Variants in EVC2 observed in about 807,000 individuals in gnomAD.
The protein encoded by EVC2 is EvC ciliary complex subunit 2.
Under a neutral mutation model 149.3 loss-of-function variants are expected in EVC2, and 148 were observed. That is an observed-to-expected ratio of 0.99 (90% CI 0.87 to 1.14). The LOEUF (loss-of-function observed/expected upper bound fraction) is 1.14, where lower values mean the gene tolerates loss of function less well. Ranked by LOEUF, EVC2 falls within the 50% of genes most tolerant of loss-of-function variation. EVC2 has a pLI of 0.00. For missense variants in EVC2, 1,854 were observed against 1,627.3 expected (o/e 1.14, Z -2.40); for synonymous variants, 776 against 649.9 (o/e 1.19, Z -2.95).
chr4:5,677,859 A>G lies in EVC2; in HGVS notation c.870+3401T>C, dbSNP rs1176009966. ...AGAAGACTGGTTACCAGTGCACCCG[A>G]CAGCCTCACTAAACTGAACACTCAC... On this transcript the variant is annotated intron_variant, in intron 7 of 21. Transcript: ENST00000344408. This position sits in a 1 kb window ranked among gnomAD's most constrained non-coding sequence, Gnocchi z 4.3. Among the ~76,000 whole-genome samples the G allele has an allele frequency of 6.6e-6, 1 of 152,184 alleles. No homozygotes were observed. The highest frequency in any genetic ancestry group is 2.4e-5 in the African/African-American group (1 of 41,454).
At chr4:5,597,291 TG>T (rs1713527173) in intron 16 of EVC2, among the ~76,000 whole-genome samples, 2 of 152,310 alleles carry the variant, frequency 1.3e-5, no homozygotes, top group South Asian at 4.1e-4. Context: ...CCAATATCCT[TG>T]ATGAACATTG....
chr4:5,619,349 C>G (rs73198137), intron 14 of EVC2, among the ~76,000 whole-genome samples: 3,591 of 152,242 alleles, frequency 0.024, 108 homozygotes, highest in African/African-American at 0.07. Context: ...GCCCTTAATG[C>G]AATATAACTG....
intron 16 of EVC2, among the ~76,000 whole-genome samples, chr4:5,608,424 A>C (rs1023927045): frequency 6.6e-6 from 1 of 152,178 alleles, no homozygotes; most frequent in Non-Finnish European, 1.5e-5. Flanking sequence ...TGTGATGGTT[A>C]ATTTTATGTG....
Position 5,622,441 on chromosome 4 carries a change from T to C in EVC2, c.2501+96A>G. 2.2e-6 allele frequency: 3 copies of C among 1,360,144 alleles called. No individual in the cohort carries two copies. The highest frequency in any genetic ancestry group is 3.1e-6 in the Non-Finnish European group (3 of 970,744). The allele number at this position is 1,360,144 out of a possible 1,614,324, so 84.3% of individuals were successfully genotyped here. A position where few individuals can be genotyped will look rare whatever the true frequency, so the allele number is the denominator to read the frequency against. On this transcript the variant is annotated intron_variant, in intron 14 of 21. Transcript: ENST00000344408. The surrounding 1 kb of genome is among the most constrained non-coding windows in gnomAD (Gnocchi z 5.8). ...GTAATCTCATCTGTCTGGGGCCAGG[T>C]GTCTCATGCTTGGCCATCCCCACAA... is the stretch of plus-strand genomic sequence containing the variant.
intron 1 of EVC2, among the ~76,000 whole-genome samples, chr4:5,703,755 T>C (rs1480631427): frequency 6.6e-6 from 1 of 152,166 alleles, no homozygotes. Flanking sequence ...TAGTATACTA[T>C]ATATATTATA....
chr4:5,644,003 T>G (rs1717530963), intron 9 of EVC2, among the ~76,000 whole-genome samples: 1 of 152,250 alleles, frequency 6.6e-6, no homozygotes, highest in African/African-American at 2.4e-5. Context: ...GAACATTTAA[T>G]TCAAGAACCA....
intron 13 of EVC2, 131 bp from the exon 14 acceptor site, chr4:5,623,122 A>G (rs1171081365): frequency 1.1e-6 from 1 of 925,030 alleles, no homozygotes; most frequent in African/African-American, 1.7e-5. Flanking sequence ...TTTGGAAGTT[A>G]TTCTGGTTTT....
Position 5,562,501 on chromosome 4 carries a change from C to A in EVC2, c.*347G>T. 1 of 1,119,036 alleles carries A rather than the reference C, an allele frequency of 8.9e-7. No homozygotes were observed. Among genetic ancestry groups the A allele is most frequent in the Non-Finnish European group, 1.1e-6 (1 of 913,160 alleles). 69.3% of individuals were successfully genotyped at this position (1,119,036 alleles called of 1,614,324 possible). ...ATAAAAATAGAATATGTAACAAATACAAAACATAAGAGTAGAGAATCTGGC... is the reference window on the plus strand; with the variant it reads ...ATAAAAATAGAATATGTAACAAATAAAAAACATAAGAGTAGAGAATCTGGC... On this transcript the variant is annotated 3_prime_UTR_variant, in exon 22 of 22. Coordinates refer to ENST00000344408, the MANE Select transcript of EVC2 (RefSeq NM_147127.5). The surrounding 1 kb of genome is among the most constrained non-coding windows in gnomAD (Gnocchi z 4.3).
intron 16 of EVC2, among the ~76,000 whole-genome samples, chr4:5,604,270 G>T (rs1714215882): frequency 6.6e-6 from 1 of 152,188 alleles, no homozygotes; most frequent in Admixed American, 6.5e-5. Context: ...AAGTAACAAG[G>T]GAACTCTCAT....
chr4:5,602,760 G>C (rs982487410), intron 16 of EVC2, among the ~76,000 whole-genome samples: 6 of 152,190 alleles, frequency 3.9e-5, no homozygotes, highest in Non-Finnish European at 7.3e-5. Flanking sequence ...TTGTGGTACA[G>C]GTTGAGTGAA....
Position 5,686,127 on chromosome 4 carries a change from C to CACACACATATAT in EVC2, c.707-649_707-648insATATATGTGTGT, listed in dbSNP as rs71171411. Among the ~76,000 whole-genome samples, 1 of 149,548 alleles carries CACACACATATAT rather than the reference C, an allele frequency of 6.7e-6. No homozygotes were observed. Among genetic ancestry groups the CACACACATATAT allele is most frequent in the African/African-American group, 2.5e-5 (1 of 40,106 alleles). On this transcript the variant is annotated intron_variant, in intron 5 of 21. Coordinates refer to ENST00000344408, the MANE Select transcript of EVC2 (RefSeq NM_147127.5). This position sits in a 1 kb window ranked among gnomAD's most constrained non-coding sequence, Gnocchi z 5.4. ...ACACACACACACACACACACACACA[C>CACACACATATAT]AGAGTAAAGAAAAGAGGAGGAACGC...
chr4:5,621,215 C>G (rs1377300747), intron 14 of EVC2, among the ~76,000 whole-genome samples: 1 of 152,104 alleles, frequency 6.6e-6, no homozygotes, highest in Non-Finnish European at 1.5e-5. Flanking sequence ...TCATGGAGGC[C>G]AGCAAGATTC....
intron 7 of EVC2, 50 bp from the exon 8 acceptor site, chr4:5,665,699 C>G: frequency 6.2e-7 from 1 of 1,603,684 alleles, no homozygotes; most frequent in Non-Finnish European, 8.5e-7. Flanking sequence ...GACAGCATGT[C>G]TCCCAGGCCT....
intron 1 of EVC2, among the ~76,000 whole-genome samples, chr4:5,702,568 C>G (rs1409162346): frequency 6.6e-6 from 1 of 152,178 alleles, no homozygotes; most frequent in Non-Finnish European, 1.5e-5. Context: ...TCTGAGCTGT[C>G]CAATATGGTA....
the EVC2 span, among the ~76,000 whole-genome samples, chr4:5,534,188 T>C: frequency 2.0e-5 from 3 of 152,200 alleles, no homozygotes; most frequent in Non-Finnish European, 4.4e-5. Flanking sequence ...ATTTTTCATA[T>C]GAAAAATGAC....
intron 9 of EVC2, among the ~76,000 whole-genome samples, chr4:5,641,392 A>G (rs1717318783): frequency 6.6e-6 from 1 of 152,246 alleles, no homozygotes; most frequent in Admixed American, 6.5e-5. Flanking sequence ...GAAAATGTTA[A>G]TAATAGGGGA....
Position 5,565,307 on chromosome 4 carries a change from T to C in EVC2, c.3610A>G (p.Ile1204Val), listed in dbSNP as rs1486452636. ...ALDGKLRGDL[I>V]SRGLEKMLWA... The stretch of plus-strand genomic sequence containing the variant: ...AGCATCTTTTCTAATCCTCTGCTTA[T>C]CAGATCTCCTCGCAGTTTGCCATCT... The change falls in exon 21 of 22, where the codon ATA (isoleucine) becomes GTA (valine). Residue 1204 changes from isoleucine (I) to valine (V), a missense_variant. Physicochemically the swap from Ile to Val is conservative, Grantham distance 29. Coordinates refer to ENST00000344408, the MANE Select transcript of EVC2 (RefSeq NM_147127.5). The C allele has an allele frequency of 5.0e-6, 8 of 1,614,032 alleles. No homozygotes were observed. The highest frequency in any genetic ancestry group is 6.8e-6 in the Non-Finnish European group (8 of 1,180,018).
chr4:5,615,972 G>A (rs1183550070), intron 15 of EVC2, among the ~76,000 whole-genome samples: 1 of 152,214 alleles, frequency 6.6e-6, no homozygotes, highest in Admixed American at 6.5e-5. Context: ...ACTAAATAAG[G>A]ACACTAGGAG....
chr4:5,706,357 C>CATAGATACATAG (rs1577281204), intron 1 of EVC2, among the ~76,000 whole-genome samples: 2 of 4,036 alleles, frequency 5.0e-4, no homozygotes, highest in African/African-American at 3.1e-3. Flanking sequence ...TAGATAGACA[C>CATAGATACATAG]ATAGATAGAT....
Sources: allele counts gnomAD v4.1 joint callset (sites outside exome capture counted in the v4.1 genomes callset), GRCh38; gene constraint gnomAD v4.1.1; non-coding constraint Gnocchi (gnomAD v3.1); transcripts MANE v1.5; gene names NCBI Gene and HGNC (gene_info 2026-07-23, HGNC 2026-07-21).